VTI1A: variants seen among roughly 807,000 people sequenced by gnomAD.
VTI1A encodes the protein vesicle transport through interaction with t-SNAREs homolog 1A.
VTI1A carries 22 observed loss-of-function variants against 34.9 expected under a neutral mutation model. That is an observed-to-expected ratio of 0.63 (90% CI 0.45 to 0.90). The LOEUF (loss-of-function observed/expected upper bound fraction) is 0.90. Among genes scored for constraint, VTI1A ranks in the 40% least tolerant of loss-of-function variants. The pLI is 0.00. For synonymous variants in VTI1A, 87 were observed against 97.3 expected (o/e 0.89, Z 0.62); for missense variants, 268 against 275.6 (o/e 0.97, Z 0.20).
intron 5 of VTI1A, among the ~76,000 whole-genome samples, chr10:112,570,365 A>G (rs554176267): frequency 1.3e-5 from 2 of 152,164 alleles, no homozygotes; most frequent in Non-Finnish European, 2.9e-5. Flanking sequence ...ATGGGGAAAA[A>G]AAAATTGAAA....
chr10:112,531,349 A>T (rs1312501112), intron 4 of VTI1A, among the ~76,000 whole-genome samples: 1 of 152,154 alleles, frequency 6.6e-6, no homozygotes, highest in Non-Finnish European at 1.5e-5. Flanking sequence ...GCACACTCTC[A>T]TGTTGCCTAT....
chr10:112,560,489 C>T (rs1851687614), intron 5 of VTI1A, among the ~76,000 whole-genome samples: 1 of 151,748 alleles, frequency 6.6e-6, no homozygotes, highest in Admixed American at 6.6e-5. Context: ...TAATCCATTA[C>T]TCATTTTTTG....
At chr10:112,548,493 T>C (rs1432801088) in intron 5 of VTI1A, 7 of 537,552 alleles carry the variant, frequency 1.3e-5, no homozygotes, top group Non-Finnish European at 2.0e-5. Context: ...TGCATTGTTA[T>C]GATTCATTAA....
intron 4 of VTI1A, among the ~76,000 whole-genome samples, chr10:112,533,335 G>A (rs1850511877): frequency 1.3e-5 from 2 of 151,996 alleles, no homozygotes; most frequent in African/African-American, 4.8e-5. Context: ...GTGAGAAAGT[G>A]ATCTTTATTC....
chr10:112,732,546 C>T (rs1014822398), intron 7 of VTI1A, among the ~76,000 whole-genome samples: 30 of 152,308 alleles, frequency 2.0e-4, no homozygotes, highest in African/African-American at 7.2e-4. Flanking sequence ...CAAGCCCGGT[C>T]GTTTCTTTGC....
chr10:112,539,857 G>T (rs1056664706), intron 5 of VTI1A, among the ~76,000 whole-genome samples: 1 of 152,070 alleles, frequency 6.6e-6, no homozygotes, highest in Admixed American at 6.6e-5. Context: ...CGATCTACAG[G>T]CATTTATCTT....
At chr10:112,608,924 G>C (rs185714512) in intron 5 of VTI1A, among the ~76,000 whole-genome samples, 22 of 152,208 alleles carry the variant, frequency 1.4e-4, no homozygotes, top group African/African-American at 5.3e-4. Context: ...TGTTCCTGTA[G>C]CTATCATGAG....
At chr10:112,801,590 A>G (rs772476148) in intron 7 of VTI1A, among the ~76,000 whole-genome samples, 3 of 152,148 alleles carry the variant, frequency 2.0e-5, no homozygotes, top group African/African-American at 7.2e-5. Flanking sequence ...CAACAGATCC[A>G]CTACAATAAA....
intron 7 of VTI1A, among the ~76,000 whole-genome samples, chr10:112,741,559 A>C (rs910157433): frequency 1.4e-4 from 21 of 152,224 alleles, no homozygotes; most frequent in African/African-American, 5.1e-4. Flanking sequence ...AAAAATTCTT[A>C]AATTTTACCC....
intron 7 of VTI1A, among the ~76,000 whole-genome samples, chr10:112,706,178 T>G (rs1590093880): frequency 6.6e-6 from 1 of 152,262 alleles, no homozygotes; most frequent in South Asian, 2.1e-4. Flanking sequence ...CTCATTCATA[T>G]TAGGGTTTTT....
intron 7 of VTI1A, among the ~76,000 whole-genome samples, chr10:112,782,786 AC>A (rs1385946164): frequency 6.6e-6 from 1 of 151,022 alleles, no homozygotes; most frequent in Non-Finnish European, 1.5e-5. Flanking sequence ...TTCCTGAAGG[AC>A]CACTTGTCAG....
At chr10:112,769,469 A>G (rs1167530018) in intron 7 of VTI1A, among the ~76,000 whole-genome samples, 3 of 152,196 alleles carry the variant, frequency 2.0e-5, no homozygotes, top group Non-Finnish European at 4.4e-5. Context: ...TAGATGAAAG[A>G]CCATGGAATT....
intron 7 of VTI1A, among the ~76,000 whole-genome samples, chr10:112,790,271 G>T (rs1271185748): frequency 6.6e-6 from 1 of 152,320 alleles, no homozygotes; most frequent in Non-Finnish European, 1.5e-5. Context: ...TGATCTGTGT[G>T]TGGGTTGCAG....
chr10:112,459,786 G>A (rs1282408868), intron 1 of VTI1A, among the ~76,000 whole-genome samples: 1 of 152,162 alleles, frequency 6.6e-6, no homozygotes, highest in Non-Finnish European at 1.5e-5. Flanking sequence ...CTAGAGAAGG[G>A]AATTACAGTT....
intron 3 of VTI1A, among the ~76,000 whole-genome samples, chr10:112,465,118 A>G (rs897326202): frequency 2.6e-5 from 4 of 152,198 alleles, no homozygotes; most frequent in African/African-American, 9.7e-5. Context: ...AATAGGATGT[A>G]TCATACCCTT....
At chr10:112,763,764 A>C (rs1281331698) in intron 7 of VTI1A, among the ~76,000 whole-genome samples, 2 of 152,084 alleles carry the variant, frequency 1.3e-5, no homozygotes, top group African/African-American at 4.8e-5. Context: ...GTGTTGTTTT[A>C]TTAAAATGCA....
chr10:112,490,289 C>T (rs748207357), intron 3 of VTI1A, among the ~76,000 whole-genome samples: 9 of 152,266 alleles, frequency 5.9e-5, no homozygotes, highest in South Asian at 2.1e-4. Context: ...TACAACCTGT[C>T]GGTGATTAAA....
At chr10:112,740,420 G>T (rs1488994108) in intron 7 of VTI1A, among the ~76,000 whole-genome samples, 2 of 152,174 alleles carry the variant, frequency 1.3e-5, no homozygotes, top group East Asian at 3.9e-4. Context: ...CTCCTGAGTA[G>T]CTGGGACCAC....
intron 3 of VTI1A, among the ~76,000 whole-genome samples, chr10:112,494,804 G>A (rs146368641): frequency 4.0e-4 from 61 of 152,248 alleles, no homozygotes; most frequent in East Asian, 1.9e-4. Context: ...ATGAGCCACC[G>A]CACCCAGCCA....
Sources: gnomAD v4.1 joint callset for allele counts (sites outside exome capture counted in the v4.1 genomes callset) on GRCh38, gnomAD v4.1.1 for gene constraint, MANE v1.5 for transcripts, NCBI Gene and HGNC (gene_info 2026-07-23, HGNC 2026-07-21) for gene names.